RICTOR: variants seen among roughly 807,000 people sequenced by gnomAD.
RICTOR encodes rapamycin-insensitive companion of mTOR.
Under a neutral mutation model 214.9 loss-of-function variants are expected in RICTOR, and 49 were observed. The observed-to-expected ratio is 0.23, with a 90% CI of 0.18 to 0.29. RICTOR has a LOEUF of 0.29. Ranked by LOEUF, RICTOR falls within the 10% of genes least tolerant of loss-of-function variation. The pLI, the probability that RICTOR is intolerant of heterozygous loss-of-function variation, is 1.00. For missense variants in RICTOR, 1,625 were observed against 2,047.0 expected, an observed-to-expected ratio of 0.79 and a Z score of 3.98; for synonymous variants, 717 against 711.3, an observed-to-expected ratio of 1.01 and a Z score of -0.13.
intron 2 of RICTOR, among the ~76,000 whole-genome samples, chr5:39,050,295 A>C (rs1757755709): frequency 6.6e-6 from 1 of 151,934 alleles, no homozygotes; most frequent in African/African-American, 2.4e-5. Context: ...CACTGACTGA[A>C]TATTAGATAA....
intron 7 of RICTOR, among the ~76,000 whole-genome samples, chr5:38,990,295 G>A (rs1752488068): frequency 6.6e-6 from 1 of 151,718 alleles, no homozygotes; most frequent in Admixed American, 6.6e-5. Flanking sequence ...TGAATAATGA[G>A]AACACATGGA....
intron 11 of RICTOR, among the ~76,000 whole-genome samples, chr5:38,968,683 A>G (rs1750440559): frequency 6.6e-6 from 1 of 151,188 alleles, no homozygotes. Flanking sequence ...GGATGCAGTG[A>G]GCTATGATCA....
At chr5:39,058,029 T>C (rs976315567) in intron 2 of RICTOR, among the ~76,000 whole-genome samples, 19 of 152,088 alleles carry the variant, frequency 1.2e-4, no homozygotes, top group African/African-American at 4.3e-4. Flanking sequence ...AAGTGTATGC[T>C]AAAACAACAC....
At chr5:39,045,265 G>T (rs186851538) in intron 2 of RICTOR, among the ~76,000 whole-genome samples, 2 of 152,140 alleles carry the variant, frequency 1.3e-5, no homozygotes, top group East Asian at 1.9e-4. Flanking sequence ...ATCATTCAAA[G>T]AAATGTTTTT....
intron 3 of RICTOR, among the ~76,000 whole-genome samples, 174 bp downstream of exon 3, chr5:39,020,865 T>C (rs1444900768): frequency 6.6e-6 from 1 of 152,212 alleles, no homozygotes; most frequent in African/African-American, 2.4e-5. Flanking sequence ...ATTCTTCTAT[T>C]ACACAAATAC....
intron 2 of RICTOR, among the ~76,000 whole-genome samples, chr5:39,062,045 A>G (rs573206642): frequency 6.6e-6 from 1 of 152,224 alleles, no homozygotes; most frequent in Non-Finnish European, 1.5e-5. Flanking sequence ...CTTATATAAC[A>G]TATGAAATCT....
At chr5:38,943,985 A>T (rs752763425) in intron 36 of RICTOR, among the ~76,000 whole-genome samples, 6 of 152,298 alleles carry the variant, frequency 3.9e-5, no homozygotes, top group Middle Eastern at 3.4e-3. Context: ...TTACTTTCTT[A>T]AAAATTACTG....
intron 7 of RICTOR, among the ~76,000 whole-genome samples, chr5:38,987,070 T>C: frequency 6.6e-6 from 1 of 152,194 alleles, no homozygotes; most frequent in East Asian, 1.9e-4. Context: ...CCCAGGGATG[T>C]GGCCAACTTG....
chr5:38,978,329 C>T (rs1171092355), intron 9 of RICTOR, among the ~76,000 whole-genome samples: 3 of 151,902 alleles, frequency 2.0e-5, no homozygotes, highest in African/African-American at 7.3e-5. Flanking sequence ...ATATACATTA[C>T]AAAAACAATG....
chr5:38,990,181 T>C (rs1341958457), intron 7 of RICTOR, among the ~76,000 whole-genome samples: 1 of 152,172 alleles, frequency 6.6e-6, no homozygotes, highest in Non-Finnish European at 1.5e-5. Flanking sequence ...GATGAGTTCA[T>C]GTCCTTTGCA....
intron 2 of RICTOR, among the ~76,000 whole-genome samples, chr5:39,072,129 A>T (rs1303102954): frequency 2.0e-5 from 3 of 152,124 alleles, no homozygotes; most frequent in African/African-American, 7.2e-5. Flanking sequence ...CTCACTCTTT[A>T]TTTTTGCAAT....
chr5:38,954,566 T>C (rs1449650069), intron 27 of RICTOR: 1 of 455,146 alleles, frequency 2.2e-6, no homozygotes, highest in African/African-American at 2.0e-5. Context: ...CACAAGTCAG[T>C]TAATGCATTG....
intron 11 of RICTOR, chr5:38,969,560 A>C (rs1750566958): frequency 6.6e-6 from 1 of 151,970 alleles, no homozygotes; most frequent in African/African-American, 2.4e-5. Flanking sequence ...GTCATGTCCT[A>C]GGTCTTAACA....
At position 39,002,673 on chromosome 5, in the gene RICTOR, G is replaced by A; in HGVS notation, c.261-7C>T. On this transcript the variant is annotated splice_polypyrimidine_tract_variant and splice_region_variant and intron_variant, in intron 4 of 37. Transcript: ENST00000357387. Reference sequence around the variant, plus strand: ...TAATAAAGCTAACCGCAAACTGTATGAAAACAAACAAAATACAAGTTTTGC... The same window carrying A: ...TAATAAAGCTAACCGCAAACTGTATAAAAACAAACAAAATACAAGTTTTGC... 6.3e-7 allele frequency: 1 copy of A among 1,592,276 alleles called. No individual in the cohort carries two copies. The highest frequency in any genetic ancestry group is 8.5e-7 in the Non-Finnish European group (1 of 1,172,348).
intron 2 of RICTOR, among the ~76,000 whole-genome samples, chr5:39,053,689 G>A (rs544272232): frequency 0.043 from 6,439 of 151,388 alleles, 251 homozygotes; most frequent in African/African-American, 0.099. Flanking sequence ...TCAGGAGATC[G>A]AGACCATCCT....
intron 5 of RICTOR, 133 bp downstream of exon 5, chr5:39,002,396 GTGTGTA>G (rs1338643899): frequency 3.9e-6 from 2 of 506,406 alleles, no homozygotes; most frequent in East Asian, 3.2e-5. Flanking sequence ...GTGTGTGTGT[GTGTGTA>G]TATATATATA....
Position 38,963,162 on chromosome 5 carries a change from A to T in RICTOR, c.1401-121T>A, listed in dbSNP as rs184619195. The T allele has an allele frequency of 2.4e-5, 15 of 632,838 alleles. No homozygotes were observed. In the East Asian group the frequency reaches 4.2e-4, roughly 18 times the overall value. The allele number at this position is 632,838 out of a possible 1,614,324, so 39.2% of individuals were successfully genotyped here. On this transcript the variant is annotated intron_variant, in intron 16 of 37. Transcript: ENST00000357387. ...CTAGAAATTATTATTGATAAAGTAA[A>T]TTATTTCATCAAATTTGGAGAGACA...
Position 38,949,862 on chromosome 5 carries a change from C to A in RICTOR, c.3986G>T (p.Gly1329Val), listed in dbSNP as rs1306456486. ...FSYTSSRDAF[G>V]YATLKRLQQQ... is the part of the protein sequence containing the mutation. ...CTGTAGTCTTTTCAGTGTAGCATAG[C>A]CAAAAGCATCTCTAGAACTTGTGTA... The change falls in exon 31 of 38, where the codon GGC becomes GTC. Residue 1329 changes from glycine to valine, a missense_variant. By Grantham distance (109) the Gly-to-Val change is moderately radical (BLOSUM62 -3). Around this residue, in one of 5 missense-constraint regions of RICTOR, gnomAD observed 1,214 missense variants for 1,470.5 expected, o/e 0.83. Coordinates refer to ENST00000357387, the MANE Select transcript of RICTOR (RefSeq NM_152756.5). 6.2e-7 allele frequency: 1 copy of A among 1,613,358 alleles called. No homozygotes were observed. Among genetic ancestry groups the A allele is most frequent in the Non-Finnish European group, 8.5e-7 (1 of 1,179,528 alleles).
chr5:38,943,424 G>C (rs1747819050), intron 36 of RICTOR, among the ~76,000 whole-genome samples: 1 of 152,162 alleles, frequency 6.6e-6, no homozygotes, highest in Non-Finnish European at 1.5e-5. Context: ...TGAGTGACCA[G>C]TTAAGGGCCC....
Sources: allele counts gnomAD v4.1 joint callset (sites outside exome capture counted in the v4.1 genomes callset), GRCh38; gene constraint gnomAD v4.1.1; regional missense constraint gnomAD v4.1.1; transcripts MANE v1.5; gene names NCBI Gene and HGNC (gene_info 2026-07-23, HGNC 2026-07-21).